NLRP1: variants seen among roughly 807,000 people sequenced by gnomAD.
NLRP1 encodes NLR family pyrin domain containing 1.
Under a neutral mutation model 136.7 loss-of-function variants are expected in NLRP1, and 94 were observed. The observed-to-expected ratio is 0.69, with a 90% CI of 0.58 to 0.82. NLRP1 has a LOEUF of 0.82. Ranked by LOEUF, NLRP1 falls within the 40% of genes least tolerant of loss-of-function variation. The pLI, the probability that NLRP1 is intolerant of heterozygous loss-of-function variation, is 0.00. For missense variants in NLRP1, 1,575 were observed against 1,802.7 expected, an observed-to-expected ratio of 0.87 and a Z score of 2.29; for synonymous variants, 690 against 725.1, an observed-to-expected ratio of 0.95 and a Z score of 0.78.
At chr17:5,527,555 C>T (rs920513550) in intron 12 of NLRP1, among the ~76,000 whole-genome samples, 1 of 152,184 alleles carries the variant, frequency 6.6e-6, no homozygotes, top group African/African-American at 2.4e-5. Flanking sequence ...GTCTTCACCT[C>T]TCTCGGCTTC....
intron 12 of NLRP1, among the ~76,000 whole-genome samples, chr17:5,527,338 G>A (rs890584275): frequency 3.3e-5 from 5 of 152,206 alleles, no homozygotes; most frequent in African/African-American, 7.2e-5. Context: ...ATCCTGGGCC[G>A]CATGTGGCCC....
chr17:5,503,626 G>C (rs1177988512), intron 15 of NLRP1: 1 of 151,986 alleles, frequency 6.6e-6, no homozygotes, highest in Non-Finnish European at 1.5e-5. Context: ...AGAGAGCTTG[G>C]CTGACTCCAT....
intron 15 of NLRP1, among the ~76,000 whole-genome samples, chr17:5,515,909 C>T (rs944357300): frequency 6.6e-6 from 1 of 152,228 alleles, no homozygotes; most frequent in African/African-American, 2.4e-5. Context: ...CAGAAATCTA[C>T]TTCCTTGTTC....
chr17:5,513,130 CT>C (rs933725352), downstream of NLRP1, among the ~76,000 whole-genome samples: 8 of 152,328 alleles, frequency 5.3e-5, no homozygotes, highest in African/African-American at 9.6e-5. Context: ...CAGCATTAAC[CT>C]TTTTTTCTTC....
chr17:5,557,949 G>C (rs1245215093), intron 4 of NLRP1, among the ~76,000 whole-genome samples: 1 of 152,148 alleles, frequency 6.6e-6, no homozygotes, highest in South Asian at 2.1e-4. Context: ...TTCTCCGAGA[G>C]AATGAATGCC....
At chr17:5,511,439 T>TA (rs60642771), downstream of NLRP1, among the ~76,000 whole-genome samples, 98 of 137,308 alleles carry the variant, frequency 7.1e-4, 1 homozygote, top group Admixed American at 1.2e-3. Context: ...AGCCTCCGTC[T>TA]AAAAAAAAAA....
intron 5 of NLRP1, among the ~76,000 whole-genome samples, chr17:5,550,532 T>C (rs1019592099): frequency 6.6e-6 from 1 of 152,208 alleles, no homozygotes; most frequent in Non-Finnish European, 1.5e-5. Context: ...GTAAGTTCAA[T>C]TGTGATACCC....
chr17:5,539,424 A>AT lies in NLRP1; in HGVS notation c.2860dup (p.Ile954AsnfsTer12). 6.2e-7 allele frequency: 1 copy of AT among 1,612,874 alleles called. No individual in the cohort carries two copies. The highest frequency in any genetic ancestry group is 1.3e-5 in the African/African-American group (1 of 75,018). On this transcript the variant is annotated frameshift_variant, in exon 7 of 17. Coordinates refer to ENST00000572272, the MANE Select transcript of NLRP1 (RefSeq NM_033004.4). LOFTEE classifies it high-confidence loss of function. ...ACCCACAGGGCCTTACCCCAGGCGT[A>AT]TGAGTTTGCAGGCAGGATGCCTGAG...
chr17:5,520,486 T>C (rs545323663), intron 14 of NLRP1, among the ~76,000 whole-genome samples: 4 of 152,186 alleles, frequency 2.6e-5, no homozygotes, highest in Non-Finnish European at 5.9e-5. Context: ...CCAAATCCTA[T>C]AGCAGATTCT....
chr17:5,576,120 A>G (rs901467007), intron 3 of NLRP1, among the ~76,000 whole-genome samples: 3 of 152,242 alleles, frequency 2.0e-5, no homozygotes, highest in Non-Finnish European at 4.4e-5. Context: ...GGACACATTT[A>G]AAGCTGTGTG....
At chr17:5,539,137 C>T (rs1028147991) in intron 7 of NLRP1, among the ~76,000 whole-genome samples, 1 of 152,196 alleles carries the variant, frequency 6.6e-6, no homozygotes, top group Non-Finnish European at 1.5e-5. Flanking sequence ...TCCCAAAGTG[C>T]TGGGATTACA....
In NLRP1 at chr17:5,533,329, C is replaced by G; in HGVS notation, c.3108G>C (p.Lys1036Asn). The change falls in exon 10 of 17, where the codon AAG (lysine) becomes AAC (asparagine). Residue 1036 changes from lysine to asparagine, a missense_variant. By Grantham distance (94) the Lys-to-Asn change is moderately conservative. Transcript: ENST00000572272. ...CTGCAATCTCAGCAATTGGGAAGATCTTGCTCACGTCCAGGAGTTTGAGAT... is the reference window on the plus strand; with the variant it reads ...CTGCAATCTCAGCAATTGGGAAGATGTTGCTCACGTCCAGGAGTTTGAGAT... The part of the protein sequence containing the change: ...QANLKLLDVS[K>N]IFPIAEIAEE... The G allele has an allele frequency of 6.6e-7, 1 of 1,512,814 alleles. No individual in the cohort carries two copies. The highest frequency in any genetic ancestry group is 9.0e-7 in the Non-Finnish European group (1 of 1,111,534). The allele number at this position is 1,512,814 out of a possible 1,614,324, so 93.7% of individuals were successfully genotyped here.
At chr17:5,569,790 T>C (rs945422922) in intron 3 of NLRP1, among the ~76,000 whole-genome samples, 4 of 152,078 alleles carry the variant, frequency 2.6e-5, no homozygotes, top group African/African-American at 9.7e-5. Context: ...TCTACAGAAC[T>C]CTCCACCCCA....
chr17:5,539,780 C>G (rs766049528), intron 6 of NLRP1, 195 bp from the exon 7 acceptor site: 24 of 502,052 alleles, frequency 4.8e-5, no homozygotes, highest in Non-Finnish European at 6.2e-5. Flanking sequence ...CGGAACCCCT[C>G]AGGATGCCAG....
chr17:5,549,422 G>A (rs1244024019), intron 5 of NLRP1, among the ~76,000 whole-genome samples: 1 of 152,128 alleles, frequency 6.6e-6, no homozygotes, highest in Admixed American at 6.5e-5. Context: ...GGGACTGTGG[G>A]CGTGTGCCAC....
In NLRP1 at chr17:5,582,025, G is replaced by A; in HGVS notation, c.486C>T (p.Ser162=). 1.2e-6 allele frequency: 2 copies of A among 1,613,876 alleles called. No individual in the cohort carries two copies. The highest frequency in any genetic ancestry group is 1.7e-6 in the Non-Finnish European group (2 of 1,179,858). ...SASLLYQALP[S]SPDHESPSQE... is the part of the protein sequence containing the mutation. ...GGCTTGGAGACTCATGGTCTGGGGA[G>A]CTTGGAAGAGCTTGGTAGAGGAGTG... The change falls in exon 3 of 17, where the codon AGC becomes AGT. Residue 162 remains serine, a synonymous_variant. Coordinates refer to ENST00000572272, the MANE Select transcript of NLRP1 (RefSeq NM_033004.4).
At chr17:5,522,936 C>G (rs1001034096) in intron 12 of NLRP1, among the ~76,000 whole-genome samples, 10 of 152,170 alleles carry the variant, frequency 6.6e-5, no homozygotes, top group Non-Finnish European at 1.3e-4. Flanking sequence ...GAGCCTCCTC[C>G]TCCAGCACTG....
chr17:5,547,104 G>T (rs1304106940), intron 5 of NLRP1, among the ~76,000 whole-genome samples: 1 of 152,056 alleles, frequency 6.6e-6, no homozygotes, highest in Non-Finnish European at 1.5e-5. Context: ...GACAACTTAG[G>T]CACTAAATAC....
intron 3 of NLRP1, among the ~76,000 whole-genome samples, chr17:5,569,435 C>T (rs770537018): frequency 6.6e-6 from 1 of 152,110 alleles, no homozygotes; most frequent in South Asian, 2.1e-4. Context: ...AAAAATCTAC[C>T]AAGCAAATGG....
Sources: gnomAD v4.1 joint callset for allele counts (sites outside exome capture counted in the v4.1 genomes callset) on GRCh38, gnomAD v4.1.1 for gene constraint, MANE v1.5 for transcripts, NCBI Gene and HGNC (gene_info 2026-07-23, HGNC 2026-07-21) for gene names.